Variants in MTMR7 observed in about 807,000 individuals in gnomAD.
The protein encoded by MTMR7 is phosphatidylinositol-3-phosphate phosphatase MTMR7.
Under a neutral mutation model 81.2 loss-of-function variants are expected in MTMR7, and 76 were observed. The observed-to-expected ratio is 0.94, with a 90% CI of 0.78 to 1.13. MTMR7 has a LOEUF of 1.13. Among genes scored for constraint, MTMR7 ranks in the 50% most tolerant of loss-of-function variants. The pLI is 0.00. For missense variants in MTMR7, 1,044 were observed against 820.0 expected (o/e 1.27, Z -3.34); for synonymous variants, 372 against 289.8 (o/e 1.28, Z -2.88).
chr8:17,396,560 A>G (rs572184009), intron 1 of MTMR7, among the ~76,000 whole-genome samples: 1 of 152,296 alleles, frequency 6.6e-6, no homozygotes, highest in East Asian at 1.9e-4. Flanking sequence ...GAAATTGCCT[A>G]TCCCAGTGGT....
intron 12 of MTMR7, among the ~76,000 whole-genome samples, chr8:17,303,964 G>A (rs144550299): frequency 6.6e-6 from 1 of 152,160 alleles, no homozygotes; most frequent in African/African-American, 2.4e-5. Flanking sequence ...TGGTGCAAAA[G>A]TAATTGCGGT....
intron 1 of MTMR7, among the ~76,000 whole-genome samples, chr8:17,373,521 T>A (rs1204956141): frequency 6.6e-6 from 1 of 152,188 alleles, no homozygotes; most frequent in African/African-American, 2.4e-5. Context: ...TTTACAATGG[T>A]CAACGCTTTC....
chr8:17,371,126 C>A lies in MTMR7; in HGVS notation c.221G>T (p.Cys74Phe). The stretch of plus-strand genomic sequence containing the variant: ...GAGCTGTATTATCTGAAAGTTCTTG[C>A]AGCGAATCAGCAGAGGGCATCCGGT... ...TATGCPLLIR[C>F]KNFQIIQLII... The change falls in exon 3 of 14, where the codon TGC (cysteine) becomes TTC (phenylalanine). Residue 74 changes from cysteine to phenylalanine, a missense_variant. By Grantham distance (205) the Cys-to-Phe change is radical. Coordinates refer to ENST00000180173, the MANE Select transcript of MTMR7 (RefSeq NM_004686.5). 1 of 1,614,204 alleles carries A rather than the reference C, an allele frequency of 6.2e-7. No homozygotes were observed. Among genetic ancestry groups the A allele is most frequent in the Non-Finnish European group, 8.5e-7 (1 of 1,180,034 alleles).
At chr8:17,404,106 A>C (rs2150585576) in intron 1 of MTMR7, among the ~76,000 whole-genome samples, 1 of 152,330 alleles carries the variant, frequency 6.6e-6, no homozygotes, top group Middle Eastern at 3.4e-3. Context: ...ATTATATTTA[A>C]CAGTATCTCT....
intron 10 of MTMR7, among the ~76,000 whole-genome samples, chr8:17,307,238 C>G (rs551124816): frequency 6.6e-6 from 1 of 152,166 alleles, no homozygotes; most frequent in East Asian, 1.9e-4. Context: ...TATGAAAAGA[C>G]ACTTCTCAAA....
intron 9 of MTMR7, among the ~76,000 whole-genome samples, chr8:17,310,408 A>T (rs908444898): frequency 1.3e-5 from 2 of 152,144 alleles, no homozygotes; most frequent in African/African-American, 4.8e-5. Flanking sequence ...GAACTAGTGG[A>T]AGTCTGTTCT....
Position 17,305,890 on chromosome 8 carries a change from A to G in MTMR7, c.1219T>C (p.Trp407Arg). Residue 407 changes from tryptophan (W) to arginine (R), a missense_variant, in exon 11 of 14, where the codon TGG (tryptophan) becomes CGG (arginine). Physicochemically the swap from Trp to Arg is moderately radical, Grantham distance 101. Coordinates refer to ENST00000180173, the MANE Select transcript of MTMR7 (RefSeq NM_004686.5). The part of the protein sequence containing the change: ...PVIDQFIECV[W>R]QLMEQFPCAF... ...CAGGGAAATTGTTCCATTAACTGCC[A>G]AACACACTCAATGAACTGGTCAATA... The G allele has an allele frequency of 6.2e-7, 1 of 1,613,794 alleles. No homozygotes were observed. The highest frequency in any genetic ancestry group is 8.5e-7 in the Non-Finnish European group (1 of 1,179,750).
At position 17,299,795 on chromosome 8, in the gene MTMR7, A is replaced by G. The variant is rs1177864945; in HGVS notation, c.*67T>C. On this transcript the variant is annotated 3_prime_UTR_variant, in exon 14 of 14. Coordinates refer to ENST00000180173, the MANE Select transcript of MTMR7 (RefSeq NM_004686.5). ...CCATTTCCTGTTTTTACAATAAACC[A>G]CCTTGTTCCCTTGTTTTTGGAAGTG... 1.3e-6 allele frequency: 2 copies of G among 1,579,872 alleles called. No homozygotes were observed. The highest frequency in any genetic ancestry group is 1.8e-5 in the Admixed American group (1 of 57,078).
At chr8:17,307,550 G>A (rs1316691520) in intron 10 of MTMR7, among the ~76,000 whole-genome samples, 4 of 152,136 alleles carry the variant, frequency 2.6e-5, no homozygotes, top group Non-Finnish European at 4.4e-5. Context: ...ATACCCAAAG[G>A]ATTATAAATC....
intron 4 of MTMR7, among the ~76,000 whole-genome samples, chr8:17,359,582 C>CT (rs1819999354): frequency 7.0e-5 from 1 of 14,356 alleles, no homozygotes; most frequent in Admixed American, 1.0e-3. Flanking sequence ...ACCCTGTTTC[C>CT]TTAAAAAAAA....
At chr8:17,367,017 A>G (rs1207722696) in intron 3 of MTMR7, among the ~76,000 whole-genome samples, 1 of 152,100 alleles carries the variant, frequency 6.6e-6, no homozygotes, top group Non-Finnish European at 1.5e-5. Context: ...TAAGCAAACA[A>G]GTGTTGAAAT....
chr8:17,341,516 G>T lies in MTMR7; in HGVS notation c.598-19C>A. On this transcript the variant is annotated intron_variant, in intron 5 of 13. Transcript: ENST00000180173. ...TGGAGGCCTAGGGGGAGAGGTCACA[G>T]CAACACAGCACCATCAGGTAACTGT... The T allele has an allele frequency of 1.2e-6, 2 of 1,612,276 alleles. No homozygotes were observed. The highest frequency in any genetic ancestry group is 1.7e-6 in the Non-Finnish European group (2 of 1,179,770).
intron 1 of MTMR7, among the ~76,000 whole-genome samples, chr8:17,402,097 T>C (rs567192489): frequency 2.0e-5 from 3 of 152,138 alleles, no homozygotes; most frequent in Non-Finnish European, 4.4e-5. Context: ...TTTTTAAAAA[T>C]TTTTTTAACT....
chr8:17,351,197 C>T (rs78465090), intron 4 of MTMR7, among the ~76,000 whole-genome samples: 2,437 of 152,338 alleles, frequency 0.016, 58 homozygotes, highest in East Asian at 0.071. Context: ...TACCTACATT[C>T]TTCCTTGTAA....
At chr8:17,383,605 A>C (rs1820830988) in intron 1 of MTMR7, among the ~76,000 whole-genome samples, 1 of 152,256 alleles carries the variant, frequency 6.6e-6, no homozygotes, top group Non-Finnish European at 1.5e-5. Flanking sequence ...CTGGCTCAAC[A>C]GTCTCTCCTC....
intron 7 of MTMR7, among the ~76,000 whole-genome samples, chr8:17,313,982 T>G (rs1209012458): frequency 2.0e-5 from 3 of 152,198 alleles, no homozygotes; most frequent in Non-Finnish European, 4.4e-5. Flanking sequence ...GATCCAATTC[T>G]AGAGCATCAG....
rs10589081 is a variant in MTMR7, at chr8:17,303,610, CT to C, written c.1493+768del. ...TCCCCATTCTCCCCATACATACAATCTTTTTTTTTTTTTTTTGAGATGGAGT... is the reference window on the plus strand; with the variant it reads ...TCCCCATTCTCCCCATACATACAATCTTTTTTTTTTTTTTTGAGATGGAGT... On this transcript the variant is annotated intron_variant, in intron 12 of 13. Transcript: ENST00000180173. Among the ~76,000 whole-genome samples, 783 of 141,092 alleles carry C rather than the reference CT, an allele frequency of 5.5e-3. 5 individuals are homozygous for C. Among genetic ancestry groups the C allele is most frequent in the Non-Finnish European group, 6.3e-3 (408 of 64,626 alleles). 92.6% of individuals were successfully genotyped at this position (141,092 alleles called of 152,430 possible). A position where few individuals can be genotyped will look rare whatever the true frequency, so the allele number is the denominator to read the frequency against.
At chr8:17,358,869 CAAA>C (rs147593169) in intron 4 of MTMR7, among the ~76,000 whole-genome samples, 2 of 151,480 alleles carry the variant, frequency 1.3e-5, no homozygotes, top group Non-Finnish European at 2.9e-5. Context: ...ATTCATATGG[CAAA>C]AAAAAGTCTA....
chr8:17,325,568 G>T (rs549356732), intron 7 of MTMR7, among the ~76,000 whole-genome samples: 2 of 152,098 alleles, frequency 1.3e-5, no homozygotes, highest in African/African-American at 4.8e-5. Context: ...CCGTACGATC[G>T]CCCACATGCC....
Sources: allele counts gnomAD v4.1 joint callset (sites outside exome capture counted in the v4.1 genomes callset), GRCh38; gene constraint gnomAD v4.1.1; transcripts MANE v1.5; gene names NCBI Gene and HGNC (gene_info 2026-07-23, HGNC 2026-07-21).